The following MMUT variants were observed in gnomAD, a reference collection of about 807,000 sequenced individuals.
MMUT encodes the protein methylmalonyl-CoA mutase, also known as methylmalonyl-CoA mutase, mitochondrial.
Under a neutral mutation model 79.9 loss-of-function variants are expected in MMUT, and 79 were observed. That is an observed-to-expected ratio of 0.99 (90% CI 0.82 to 1.19). MMUT has a LOEUF of 1.19. Among genes scored for constraint, MMUT ranks in the 50% most tolerant of loss-of-function variants. The pLI, the probability that MMUT is intolerant of heterozygous loss-of-function variation, is 0.00. For missense variants in MMUT, 860 were observed against 917.2 expected (o/e 0.94, Z 0.81); for synonymous variants, 273 against 295.7 (o/e 0.92, Z 0.79).
chr6:49,441,909 T>A lies in MMUT; in HGVS notation c.1739A>T (p.Asp580Val). Residue 580 changes from aspartate to valine, a missense_variant, in exon 10 of 13, where the codon GAT (aspartate) becomes GTT (valine). By Grantham distance (152) the Asp-to-Val change is radical. Coordinates refer to ENST00000274813, the MANE Select transcript of MMUT (RefSeq NM_000255.4). ...KKVFGEHKAN[D>V]RMVSGAYRQE... ...GCGATATGCTCCACTCACCATTCGATCATTCGCTTTATGTTCACCAAATAC... is the reference window on the plus strand; with the variant it reads ...GCGATATGCTCCACTCACCATTCGAACATTCGCTTTATGTTCACCAAATAC... The A allele has an allele frequency of 6.2e-7, 1 of 1,612,326 alleles. No homozygotes were observed.
chr6:49,431,954 C>T (rs1457546633), intron 12 of MMUT, 98 bp from the exon 13 acceptor site: 13 of 1,383,562 alleles, frequency 9.4e-6, no homozygotes, highest in Admixed American at 3.4e-5. Context: ...TTACCCAAAA[C>T]CTTCTCAACT....
rs74854132 is a variant in MMUT, at chr6:49,431,183, G to T, written c.*545C>A. 1 of 152,488 alleles carries T rather than the reference G, an allele frequency of 6.6e-6. No individual in the cohort carries two copies. Among genetic ancestry groups the T allele is most frequent in the East Asian group, 1.9e-4 (1 of 5,218 alleles). 9.4% of individuals were successfully genotyped at this position (152,488 alleles called of 1,614,324 possible). A position where few individuals can be genotyped will look rare whatever the true frequency, so the allele number is the denominator to read the frequency against. Reference sequence around the variant, plus strand: ...AATTCCCCATATTCCAACCTGCTGTGCTTGATTTTAATACTTCTTTTATTA... The same window carrying T: ...AATTCCCCATATTCCAACCTGCTGTTCTTGATTTTAATACTTCTTTTATTA... On this transcript the variant is annotated 3_prime_UTR_variant, in exon 13 of 13. Coordinates refer to ENST00000274813, the MANE Select transcript of MMUT (RefSeq NM_000255.4).
intron 5 of MMUT, among the ~76,000 whole-genome samples, chr6:49,452,818 G>A (rs1439221314): frequency 6.6e-6 from 1 of 152,052 alleles, no homozygotes; most frequent in Non-Finnish European, 1.5e-5. Context: ...CAATTTTTAA[G>A]AGAACAAATT....
chr6:49,456,241 CA>C lies in MMUT; in HGVS notation c.754-5del. ...TTGAATTAAATTTTGGCATGTGCTA[CA>C]TAAAAAAAAAAATTGTAACAGTGAA... On this transcript the variant is annotated splice_polypyrimidine_tract_variant and splice_region_variant and intron_variant, in intron 3 of 12. Coordinates refer to ENST00000274813, the MANE Select transcript of MMUT (RefSeq NM_000255.4). The C allele has an allele frequency of 1.3e-6, 2 of 1,575,492 alleles. No individual in the cohort carries two copies. Among genetic ancestry groups the C allele is most frequent in the Non-Finnish European group, 1.7e-6 (2 of 1,150,904 alleles).
At chr6:49,445,675 A>G (rs1767394094) in intron 8 of MMUT, among the ~76,000 whole-genome samples, 1 of 152,110 alleles carries the variant, frequency 6.6e-6, no homozygotes, top group South Asian at 2.1e-4. Context: ...AATAGTTGTT[A>G]TAGTGTATGG....
chr6:49,457,738 C>T lies in MMUT; in HGVS notation c.706G>A (p.Glu236Lys). 1 of 1,612,604 alleles carries T rather than the reference C, an allele frequency of 6.2e-7. No homozygotes were observed. Among genetic ancestry groups the T allele is most frequent in the Non-Finnish European group, 8.5e-7 (1 of 1,179,148 alleles). ...TCAGCAATAATTTTCATGGATGGTT[C>T]TGGAGGAAAAATGTATGTATTTCGA... ...MVRNTYIFPP[E>K]PSMKIIADIF... is the part of the protein sequence containing the mutation. The change falls in exon 3 of 13, where the codon GAA becomes AAA. Residue 236 changes from glutamate (E) to lysine (K), a missense_variant. Glu to Lys is a moderately conservative substitution (Grantham distance 56). Transcript: ENST00000274813.
At chr6:49,456,317 C>A in intron 3 of MMUT, 80 bp from the exon 4 acceptor site, 2 of 983,626 alleles carry the variant, frequency 2.0e-6, no homozygotes, top group Non-Finnish European at 3.1e-6. Flanking sequence ...TAAGCATAAA[C>A]ATTATTTTAA....
rs1767365455 is a variant in MMUT at position 49,444,675 on chromosome 6, T to C, written c.1640A>G (p.Asn547Ser). Reference protein sequence around the residue: ...LTECAASGDGNILALAVDASR... With the variant: ...LTECAASGDGSILALAVDASR... ...TGCATCCACTGCAAGAGCCAGGATA[T>C]TTCCATCTCCGCTAGCAGCACATTC... The change falls in exon 9 of 13, where the codon AAT becomes AGT. Residue 547 changes from asparagine (N) to serine (S), a missense_variant. Asn to Ser is a conservative substitution (Grantham distance 46). Transcript: ENST00000274813. The C allele has an allele frequency of 1.2e-6, 2 of 1,613,324 alleles. No homozygotes were observed. The highest frequency in any genetic ancestry group is 2.2e-5 in the East Asian group (1 of 44,874).
Position 49,431,724 on chromosome 6 carries a change from G to T in MMUT, c.*4C>A, listed in dbSNP as rs763361965. ...TAGACAAAAGCTAAAACAAAAAGAG[G>T]ATATTATACAGATTGCTGCTTCTTT... On this transcript the variant is annotated 3_prime_UTR_variant, in exon 13 of 13. Transcript: ENST00000274813. 2 of 1,612,762 alleles carry T rather than the reference G, an allele frequency of 1.2e-6. No individual in the cohort carries two copies. The highest frequency in any genetic ancestry group is 1.7e-6 in the Non-Finnish European group (2 of 1,179,168).
chr6:49,438,335 T>TA (rs201559875), intron 11 of MMUT, among the ~76,000 whole-genome samples: 10 of 151,876 alleles, frequency 6.6e-5, no homozygotes, highest in East Asian at 1.9e-4. Context: ...AGTAGAGAGT[T>TA]AAAAAAAGAC....
At chr6:49,434,516 C>G (rs1006879311) in intron 12 of MMUT, among the ~76,000 whole-genome samples, 1 of 152,116 alleles carries the variant, frequency 6.6e-6, no homozygotes, top group Non-Finnish European at 1.5e-5. Context: ...GGGGCCTTTG[C>G]AGCTAGCATC....
At chr6:49,449,781 C>T (rs375436912) in intron 6 of MMUT, among the ~76,000 whole-genome samples, 1 of 151,648 alleles carries the variant, frequency 6.6e-6, no homozygotes, top group African/African-American at 2.4e-5. Flanking sequence ...ACTAATGAAA[C>T]AAATGAAGAT....
intron 2 of MMUT, 112 bp from the exon 3 acceptor site, chr6:49,458,170 A>G: frequency 9.4e-7 from 1 of 1,065,228 alleles, no homozygotes; most frequent in Non-Finnish European, 1.3e-6. Context: ...GTACACTTTT[A>G]TAACAACTAT....
intron 8 of MMUT, among the ~76,000 whole-genome samples, chr6:49,445,512 C>CCTAT (rs1561954100): frequency 7.2e-5 from 11 of 151,970 alleles, no homozygotes; most frequent in Non-Finnish European, 1.6e-4. Context: ...TGACCCACTG[C>CCTAT]CCACCCTATC....
At chr6:49,442,067 TAAGTA>T in intron 9 of MMUT, 96 bp from the exon 10 acceptor site, 2 of 1,300,806 alleles carry the variant, frequency 1.5e-6, no homozygotes, top group Non-Finnish European at 2.2e-6. Flanking sequence ...TTTTATTACA[TAAGTA>T]AATGACTGTA....
At chr6:49,442,353 G>T (rs1007735744) in intron 9 of MMUT, among the ~76,000 whole-genome samples, 1 of 152,006 alleles carries the variant, frequency 6.6e-6, no homozygotes, top group African/African-American at 2.4e-5. Context: ...CCATCCATTT[G>T]TTCACTAACT....
At position 49,431,620 on chromosome 6, in the gene MMUT, G is replaced by A. The variant is rs1803945; in HGVS notation, c.*108C>T. On this transcript the variant is annotated 3_prime_UTR_variant, in exon 13 of 13. Transcript: ENST00000274813. ...GGTATTTTAAAGTAAAGCTTTCAAG[G>A]AAAGTACAAATCAGGTATTGAAATT... 8.3e-7 allele frequency: 1 copy of A among 1,211,894 alleles called. No homozygotes were observed. Among genetic ancestry groups the A allele is most frequent in the Non-Finnish European group, 1.2e-6 (1 of 835,282 alleles). 75.1% of individuals were successfully genotyped at this position (1,211,894 alleles called of 1,614,324 possible). A position where few individuals can be genotyped will look rare whatever the true frequency, so the allele number is the denominator to read the frequency against.
intron 4 of MMUT, among the ~76,000 whole-genome samples, 193 bp from the exon 5 acceptor site, chr6:49,453,949 G>C (rs1046870093): frequency 8.6e-5 from 13 of 151,994 alleles, no homozygotes; most frequent in African/African-American, 3.1e-4. Flanking sequence ...TTATGCATAT[G>C]GAAGAAATTT....
At position 49,447,861 on chromosome 6, in the gene MMUT, C is replaced by T. The variant is rs149598197; in HGVS notation, c.1445-76G>A. ...AATGCTCTGGTTATGATGTATTTTCCTTATAAATTTAATATCTTTAAGTAG... is the reference window on the plus strand; with the variant it reads ...AATGCTCTGGTTATGATGTATTTTCTTTATAAATTTAATATCTTTAAGTAG... On this transcript the variant is annotated intron_variant, in intron 7 of 12. Coordinates refer to ENST00000274813, the MANE Select transcript of MMUT (RefSeq NM_000255.4). The T allele has an allele frequency of 1.5e-3, 1,245 of 838,418 alleles. 18 individuals carry two copies. The African/African-American group carries it at 0.019, about 13-fold the overall frequency. The allele number at this position is 838,418 out of a possible 1,614,324, so 51.9% of individuals were successfully genotyped here.
Sources: gnomAD v4.1 joint callset for allele counts (sites outside exome capture counted in the v4.1 genomes callset) on GRCh38, gnomAD v4.1.1 for gene constraint, MANE v1.5 for transcripts, NCBI Gene and HGNC (gene_info 2026-07-23, HGNC 2026-07-21) for gene names.